The following CEP290 variants were observed in gnomAD, a reference collection of about 807,000 sequenced individuals.
CEP290 encodes the protein centrosomal protein of 290 kDa.
In CEP290, 317 loss-of-function variants were observed where a neutral mutation model predicts 344.9. That is an observed-to-expected ratio of 0.92 (90% CI 0.84 to 1.01). CEP290 has a LOEUF of 1.01. Among genes scored for constraint, CEP290 ranks in the 50% least tolerant of loss-of-function variants. The probability of loss-of-function intolerance (pLI) is 0.00; values close to 1 mark genes in which losing one functional copy is unlikely to be tolerated. For missense variants in CEP290, 2,754 were observed against 2,761.4 expected (o/e 1.00, Z 0.06); for synonymous variants, 932 against 895.8 (o/e 1.04, Z -0.72).
Position 88,071,338 on chromosome 12 carries a change from T to A in CEP290, c.5967A>T (p.Leu1989Phe), listed in dbSNP as rs368095421. The A allele has an allele frequency of 3.7e-5, 60 of 1,608,570 alleles. No homozygotes were observed. The highest frequency in any genetic ancestry group is 4.9e-5 in the Non-Finnish European group (58 of 1,176,252). ...ALESEKELEE[L>F]KKRNLDLEND... ...TTTCTAAGTCAAGATTTCTCTTTTT[T>A]AATTCTTCCAATTCTTTTTCTGACT... Residue 1989 changes from leucine to phenylalanine, a missense_variant, in exon 43 of 54, where the codon TTA (leucine) becomes TTT (phenylalanine). By Grantham distance (22) the Leu-to-Phe change is conservative (BLOSUM62 0). Transcript: ENST00000552810.
At chr12:88,111,180 C>T (rs755034713) in intron 22 of CEP290, 22 bp downstream of exon 22, 148 of 1,310,936 alleles carry the variant, frequency 1.1e-4, no homozygotes, top group Non-Finnish European at 1.5e-4. Context: ...ATTTTCAATA[C>T]CTGTAACAAA....
chr12:88,116,842 C>T (rs951602814), intron 18 of CEP290, among the ~76,000 whole-genome samples, 191 bp downstream of exon 18: 15 of 151,720 alleles, frequency 9.9e-5, no homozygotes, highest in East Asian at 1.9e-4. Context: ...GGCGTGGTGG[C>T]GGGCGCCTGT....
intron 17 of CEP290, among the ~76,000 whole-genome samples, chr12:88,117,990 G>A (rs773302779): frequency 7.2e-5 from 11 of 151,870 alleles, no homozygotes; most frequent in East Asian, 1.9e-4. Context: ...GAGCAAGATC[G>A]CACCAGTGCA....
intron 15 of CEP290, 43 bp downstream of exon 15, chr12:88,120,061 AAAAGACTTGT>A (rs2039308894): frequency 1.7e-6 from 2 of 1,209,230 alleles, no homozygotes; most frequent in Non-Finnish European, 2.2e-6. Context: ...AAATTAAAAA[AAAAGACTTGT>A]AAATCAGGTT....
Position 88,057,502 on chromosome 12 carries a change from T to C in CEP290, c.6818+1346A>G, listed in dbSNP as rs180843764. ...GCTCAGAGCCACTGCTAGGGTCCAA[T>C]AAGACAGTAGAAGAGACCCCTTCTC... On this transcript the variant is annotated intron_variant, in intron 49 of 53. Coordinates refer to ENST00000552810, the MANE Select transcript of CEP290 (RefSeq NM_025114.4). Among the ~76,000 whole-genome samples the C allele has an allele frequency of 7.2e-4, 110 of 152,274 alleles. 1 individual carries two copies. Among genetic ancestry groups the C allele is most frequent in the Admixed American group, 9.1e-4 (14 of 15,306 alleles).
chr12:88,051,234 C>T lies in CEP290; in HGVS notation c.7130-801G>A, dbSNP rs1450686590. ...TTTTTTTGAGACAGTCTCACTCTGT[C>T]GCCCAGGCTAGAGTGCAGTGGTGCA... On this transcript the variant is annotated intron_variant, in intron 52 of 53. Coordinates refer to ENST00000552810, the MANE Select transcript of CEP290 (RefSeq NM_025114.4). 9.5e-5 allele frequency among the ~76,000 whole-genome samples: 13 copies of T among 137,548 alleles called. No homozygotes were observed. In the South Asian group the frequency reaches 1.1e-3, roughly 12 times the overall value. The allele number at this position is 137,548 out of a possible 152,430, so 90.2% of individuals were successfully genotyped here. A position where few individuals can be genotyped will look rare whatever the true frequency, so the allele number is the denominator to read the frequency against.
intron 32 of CEP290, 21 bp from the exon 33 acceptor site, chr12:88,086,519 G>T: frequency 6.5e-7 from 1 of 1,538,570 alleles, no homozygotes; most frequent in South Asian, 1.2e-5. Flanking sequence ...GACAATTTGT[G>T]TCAGACACAT....
At chr12:88,130,038 A>G (rs2039970653) in intron 9 of CEP290, among the ~76,000 whole-genome samples, 162 bp from the exon 10 acceptor site, 1 of 152,060 alleles carries the variant, frequency 6.6e-6, no homozygotes, top group Admixed American at 6.6e-5. Context: ...AATTGAATCA[A>G]GAAAATAGTA....
At chr12:88,103,185 GA>G in intron 25 of CEP290, 174 bp from the exon 26 acceptor site, 1 of 389,496 alleles carries the variant, frequency 2.6e-6, no homozygotes, top group Non-Finnish European at 4.5e-6. Context: ...TTTCATATAA[GA>G]AATGTTACTT....
chr12:88,084,362 C>G (rs1429281662), intron 35 of CEP290, among the ~76,000 whole-genome samples: 1 of 152,072 alleles, frequency 6.6e-6, no homozygotes, highest in Admixed American at 6.6e-5. Flanking sequence ...ATGATTTCAC[C>G]ATGATAGCTA....
At position 88,080,347 on chromosome 12, in the gene CEP290, T is replaced by A. The variant is rs1453832831; in HGVS notation, c.5061A>T (p.Val1687=). Residue 1687 remains valine (V), a synonymous_variant, in exon 38 of 54, where the codon GTA becomes GTT. Transcript: ENST00000552810. ...EDEVKKVKAE[V]EDLKYLLDQS... is the part of the protein sequence containing the mutation. Reference sequence around the variant, plus strand: ...GGTCCAGAAGATACTTTAAATCCTCTACTTCCGCTTTTACTTTTTTCACTT... The same window carrying A: ...GGTCCAGAAGATACTTTAAATCCTCAACTTCCGCTTTTACTTTTTTCACTT... The A allele has an allele frequency of 6.2e-7, 1 of 1,613,582 alleles. No individual in the cohort carries two copies. Among genetic ancestry groups the A allele is most frequent in the East Asian group, 2.2e-5 (1 of 44,884 alleles).
intron 31 of CEP290, among the ~76,000 whole-genome samples, chr12:88,088,795 G>C (rs1311616558): frequency 6.6e-6 from 1 of 152,078 alleles, no homozygotes; most frequent in African/African-American, 2.4e-5. Context: ...AGGAGTTCAA[G>C]GCCAGCCTGG....
At chr12:88,109,786 G>A (rs1192468676) in intron 22 of CEP290, among the ~76,000 whole-genome samples, 1 of 151,750 alleles carries the variant, frequency 6.6e-6, no homozygotes, top group Non-Finnish European at 1.5e-5. Flanking sequence ...ACTCCCAGTT[G>A]GTACTCTCTA....
In CEP290 at chr12:88,055,653, C is replaced by T. The variant is rs2033938271; in HGVS notation, c.6883G>A (p.Asp2295Asn). 1 of 1,563,884 alleles carries T rather than the reference C, an allele frequency of 6.4e-7. No individual in the cohort carries two copies. Among genetic ancestry groups the T allele is most frequent in the Non-Finnish European group, 8.7e-7 (1 of 1,154,412 alleles). ...DIAKKNQSIT[D>N]LKQLVKEATE... Reference sequence around the variant, plus strand: ...GCTTCTTTTACAAGCTGTTTAAGGTCAGTAATGCTTTGATTTTTTTTGGCA... The same window carrying T: ...GCTTCTTTTACAAGCTGTTTAAGGTTAGTAATGCTTTGATTTTTTTTGGCA... The change falls in exon 50 of 54, where the codon GAC becomes AAC. Residue 2295 changes from aspartate (D) to asparagine (N), a missense_variant. Asp to Asn is a conservative substitution (Grantham distance 23). Coordinates refer to ENST00000552810, the MANE Select transcript of CEP290 (RefSeq NM_025114.4).
intron 34 of CEP290, among the ~76,000 whole-genome samples, chr12:88,085,152 T>C (rs536019838): frequency 5.9e-5 from 9 of 152,220 alleles, no homozygotes; most frequent in African/African-American, 2.2e-4. Context: ...TGTATGGTGG[T>C]ACTAGATTTA....
chr12:88,053,578 C>CAAAA, intron 52 of CEP290, 74 bp downstream of exon 52: 3 of 567,458 alleles, frequency 5.3e-6, no homozygotes, highest in South Asian at 4.0e-5. Context: ...AAATCTGAGC[C>CAAAA]AAAAAAAAAA....
chr12:88,059,252 G>A (rs988427820), intron 48 of CEP290, among the ~76,000 whole-genome samples: 16 of 152,108 alleles, frequency 1.1e-4, no homozygotes, highest in Non-Finnish European at 1.9e-4. Flanking sequence ...TTAGTTACTA[G>A]TGATTACTTT....
Position 88,077,717 on chromosome 12 carries a change from T to C in CEP290, c.5566A>G (p.Arg1856Gly), listed in dbSNP as rs768996835. The change falls in exon 40 of 54, where the codon AGA (arginine) becomes GGA (glycine). Residue 1856 changes from arginine (R) to glycine (G), a missense_variant. Coordinates refer to ENST00000552810, the MANE Select transcript of CEP290 (RefSeq NM_025114.4). ...ENDELKRQIK[R>G]LTSGLQGKPL... ...ATTACCTGTAATCCACTGGTTAGTC[T>C]TTTAATTTGCCTTTTCAGTTCATCA... 1.3e-6 allele frequency: 2 copies of C among 1,561,814 alleles called. No homozygotes were observed. Among genetic ancestry groups the C allele is most frequent in the East Asian group, 4.5e-5 (2 of 43,982 alleles).
Position 88,084,614 on chromosome 12 carries a change from T to C in CEP290, c.4676A>G (p.Tyr1559Cys). The change falls in exon 35 of 54, where the codon TAT becomes TGT. Residue 1559 changes from tyrosine (Y) to cysteine (C), a missense_variant. Physicochemically the swap from Tyr to Cys is radical, Grantham distance 194 (BLOSUM62 -2). Coordinates refer to ENST00000552810, the MANE Select transcript of CEP290 (RefSeq NM_025114.4). ...LNQKEEVLKK[Y>C]QRLLEKAREE... ...TCTGGCTTTTTCTAGAAGACGTTGA[T>C]ACTTCTTTAATACTTCTTCTTTTTG... is the stretch of plus-strand genomic sequence containing the variant. The C allele has an allele frequency of 1.2e-6, 2 of 1,612,248 alleles. No homozygotes were observed. Among genetic ancestry groups the C allele is most frequent in the Non-Finnish European group, 1.7e-6 (2 of 1,178,504 alleles).
Sources: allele counts gnomAD v4.1 joint callset (sites outside exome capture counted in the v4.1 genomes callset), GRCh38; gene constraint gnomAD v4.1.1; transcripts MANE v1.5; gene names NCBI Gene and HGNC (gene_info 2026-07-23, HGNC 2026-07-21).